ERBB4: variants seen among roughly 807,000 people sequenced by gnomAD.
The protein encoded by ERBB4 is receptor tyrosine-protein kinase erbB-4.
Under a neutral mutation model 158.0 loss-of-function variants are expected in ERBB4, and 42 were observed. The ratio of observed to expected loss-of-function variants is 0.27; its 90% CI spans 0.21 to 0.34. ERBB4 has a LOEUF of 0.34. ERBB4 is among the 10% of genes least tolerant of loss of function. The pLI, the probability that ERBB4 is intolerant of heterozygous loss-of-function variation, is 1.00. For synonymous variants in ERBB4, 583 were observed against 558.7 expected (o/e 1.04, Z -0.61); for missense variants, 1,333 against 1,624.1 (o/e 0.82, Z 3.08).
chr2:211,383,348 C>A lies in ERBB4; in HGVS notation c.*267G>T, dbSNP rs996756573. On this transcript the variant is annotated 3_prime_UTR_variant, in exon 28 of 28. Transcript: ENST00000342788. ...AGTAGGCAGCATTGCCTTACATTTTCTGGTCCTTCTCTAGCTGTTTCATTC... is the reference window on the plus strand; with the variant it reads ...AGTAGGCAGCATTGCCTTACATTTTATGGTCCTTCTCTAGCTGTTTCATTC... The A allele has an allele frequency of 1.7e-5, 7 of 421,366 alleles. 1 individual carries two copies. The highest frequency in any genetic ancestry group is 2.6e-5 in the Non-Finnish European group (6 of 232,192). The allele number at this position is 421,366 out of a possible 1,614,324, so 26.1% of individuals were successfully genotyped here.
chr2:211,432,183 A>G (rs2063759655), intron 20 of ERBB4, among the ~76,000 whole-genome samples: 1 of 152,240 alleles, frequency 6.6e-6, no homozygotes, highest in South Asian at 2.1e-4. Context: ...TCTCATGCCA[A>G]TTGCAAATCA....
At chr2:212,047,138 T>C (rs2077279458) in intron 2 of ERBB4, among the ~76,000 whole-genome samples, 1 of 152,132 alleles carries the variant, frequency 6.6e-6, no homozygotes, top group Non-Finnish European at 1.5e-5. Flanking sequence ...ATTGTTGTCC[T>C]AAAATGAAGT....
chr2:211,558,401 G>A (rs184189555), intron 20 of ERBB4, among the ~76,000 whole-genome samples: 38 of 152,126 alleles, frequency 2.5e-4, no homozygotes, highest in Non-Finnish European at 4.9e-4. Flanking sequence ...AAAGACCCCT[G>A]TGACTACAAT....
At chr2:212,143,743 C>T (rs573508496) in intron 1 of ERBB4, among the ~76,000 whole-genome samples, 1 of 152,082 alleles carries the variant, frequency 6.6e-6, no homozygotes, top group Non-Finnish European at 1.5e-5. Context: ...ATCGGCTGGA[C>T]ATGGTGGCTC....
intron 19 of ERBB4, among the ~76,000 whole-genome samples, chr2:211,564,638 AC>A (rs2067496563): frequency 6.6e-6 from 1 of 152,178 alleles, no homozygotes; most frequent in Non-Finnish European, 1.5e-5. Context: ...TGATACATGT[AC>A]CTTCCATGCT....
chr2:212,385,228 T>C (rs1467058462), intron 1 of ERBB4, among the ~76,000 whole-genome samples: 1 of 151,816 alleles, frequency 6.6e-6, no homozygotes, highest in Non-Finnish European at 1.5e-5. Context: ...GCATGTTGAA[T>C]AAATATATTA....
At chr2:211,471,512 A>C (rs1349534261) in intron 20 of ERBB4, among the ~76,000 whole-genome samples, 1 of 152,182 alleles carries the variant, frequency 6.6e-6, no homozygotes, top group Non-Finnish European at 1.5e-5. Flanking sequence ...GCCAAAAAAA[A>C]ACTTGTGAGT....
At chr2:211,581,772 G>T (rs2068111830) in intron 19 of ERBB4, among the ~76,000 whole-genome samples, 1 of 152,128 alleles carries the variant, frequency 6.6e-6, no homozygotes, top group South Asian at 2.1e-4. Flanking sequence ...AGCACTTTGG[G>T]AGGCTGAGGC....
intron 5 of ERBB4, among the ~76,000 whole-genome samples, chr2:211,735,277 C>T (rs1575070678): frequency 1.3e-5 from 2 of 151,890 alleles, no homozygotes; most frequent in South Asian, 2.1e-4. Context: ...AGTTAATTAT[C>T]CCAGTGTTAC....
chr2:211,533,764 T>C (rs1025908276), intron 20 of ERBB4, among the ~76,000 whole-genome samples: 3 of 152,128 alleles, frequency 2.0e-5, no homozygotes, highest in African/African-American at 4.8e-5. Flanking sequence ...TTGCAGTGCA[T>C]GACTATTTGT....
At chr2:212,189,971 T>A (rs1235208605) in intron 1 of ERBB4, among the ~76,000 whole-genome samples, 1 of 152,218 alleles carries the variant, frequency 6.6e-6, no homozygotes, top group African/African-American at 2.4e-5. Context: ...GGAATATGTC[T>A]TTGTAAGGTT....
intron 5 of ERBB4, among the ~76,000 whole-genome samples, chr2:211,740,622 C>CTTTTTTTTTTTTTTT (rs1169540948): frequency 6.7e-5 from 6 of 90,174 alleles, no homozygotes; most frequent in Non-Finnish European, 8.0e-5. Context: ...TTTTCTTTGT[C>CTTTTTTTTTTTTTTT]TTTTTTTTTT....
intron 17 of ERBB4, among the ~76,000 whole-genome samples, chr2:211,629,132 A>G (rs528796499): frequency 6.2e-4 from 95 of 152,218 alleles, no homozygotes; most frequent in African/African-American, 2.2e-3. Flanking sequence ...ACATGACTGT[A>G]TATCTAGAAA....
chr2:212,241,587 G>A (rs2084107781), intron 1 of ERBB4, among the ~76,000 whole-genome samples: 1 of 152,126 alleles, frequency 6.6e-6, no homozygotes, highest in Admixed American at 6.5e-5. Context: ...TCCAGTGCAT[G>A]ATTCTGTTGC....
At chr2:211,489,679 G>A (rs999948460) in intron 20 of ERBB4, among the ~76,000 whole-genome samples, 7 of 151,856 alleles carry the variant, frequency 4.6e-5, no homozygotes, top group Non-Finnish European at 1.0e-4. Flanking sequence ...AAGTGAATAT[G>A]AAGGTATTGA....
At chr2:212,243,201 A>G (rs1315138808) in intron 1 of ERBB4, among the ~76,000 whole-genome samples, 2 of 152,140 alleles carry the variant, frequency 1.3e-5, no homozygotes, top group African/African-American at 4.8e-5. Flanking sequence ...TTAATATTCA[A>G]AAAAAATTTT....
chr2:212,417,668 G>A (rs530919374), intron 1 of ERBB4, among the ~76,000 whole-genome samples: 56 of 152,086 alleles, frequency 3.7e-4, no homozygotes, highest in Admixed American at 2.7e-3. Context: ...TATTAGAATC[G>A]TAATAGTTCT....
intron 2 of ERBB4, among the ~76,000 whole-genome samples, chr2:212,087,628 G>A (rs987735631): frequency 3.3e-5 from 5 of 152,058 alleles, no homozygotes; most frequent in African/African-American, 1.2e-4. Context: ...TTGCACTCTA[G>A]TGGAAAGAGT....
chr2:211,909,058 GAAT>G (rs1446027891), intron 3 of ERBB4, among the ~76,000 whole-genome samples: 2 of 151,430 alleles, frequency 1.3e-5, no homozygotes, highest in South Asian at 2.1e-4. Flanking sequence ...TAAATTATTA[GAAT>G]ATTATAAACA....
Sources: allele counts gnomAD v4.1 joint callset (sites outside exome capture counted in the v4.1 genomes callset), GRCh38; gene constraint gnomAD v4.1.1; transcripts MANE v1.5; gene names NCBI Gene and HGNC (gene_info 2026-07-23, HGNC 2026-07-21).